The following FSIP1 variants were observed in gnomAD, a reference collection of about 807,000 sequenced individuals.
The protein encoded by FSIP1 is fibrous sheath-interacting protein 1.
A neutral mutation model predicts 60.9 loss-of-function variants in FSIP1; 65 were observed. That is an observed-to-expected ratio of 1.07 (90% CI 0.87 to 1.31). FSIP1 has a LOEUF of 1.31. Ranked by LOEUF, FSIP1 falls within the 40% of genes most tolerant of loss-of-function variation. The probability of loss-of-function intolerance (pLI) is 0.00; values close to 1 mark genes in which losing one functional copy is unlikely to be tolerated. For synonymous variants in FSIP1, 209 were observed against 221.2 expected (o/e 0.94, Z 0.49); for missense variants, 675 against 665.5 (o/e 1.01, Z -0.16).
chr15:39,781,706 C>A (rs142308425), intron 1 of FSIP1, among the ~76,000 whole-genome samples: 1 of 152,302 alleles, frequency 6.6e-6, no homozygotes, highest in African/African-American at 2.4e-5. Flanking sequence ...CTGAAAGAAG[C>A]CTGATTCAAA....
chr15:39,693,800 A>C (rs1894702221), intron 10 of FSIP1, among the ~76,000 whole-genome samples: 1 of 152,200 alleles, frequency 6.6e-6, no homozygotes, highest in African/African-American at 2.4e-5. Context: ...GGTTATGGAC[A>C]AGTCACCAAA....
chr15:39,737,222 G>A (rs1175045513), intron 8 of FSIP1, among the ~76,000 whole-genome samples: 1 of 152,072 alleles, frequency 6.6e-6, no homozygotes, highest in African/African-American at 2.4e-5. Flanking sequence ...CACTCTTTAG[G>A]TGACCTTCCC....
intron 1 of FSIP1, among the ~76,000 whole-genome samples, chr15:39,781,596 A>AATAT (rs1441618820): frequency 6.6e-6 from 1 of 152,224 alleles, no homozygotes. Context: ...GAAATGGATA[A>AATAT]ATATACTACC....
At chr15:39,732,619 CAAAA>C (rs56106819) in intron 8 of FSIP1, among the ~76,000 whole-genome samples, 20,340 of 79,688 alleles carry the variant, frequency 0.26, 1,499 homozygotes, top group East Asian at 0.47. Context: ...AACTCCATCT[CAAAA>C]AAAAAAAAAA....
At chr15:39,776,216 G>GGGAGGGAGGGAGGGAGGGAGGGGA (rs758628766) in intron 2 of FSIP1, among the ~76,000 whole-genome samples, 183 bp downstream of exon 2, 1 of 105,254 alleles carries the variant, frequency 9.5e-6, no homozygotes, top group Non-Finnish European at 2.0e-5. Context: ...GAGGGAGGGA[G>GGGAGGGAGGGAGGGAGGGAGGGGA]GGAAGGAATG....
At chr15:39,756,740 G>T (rs1376397397) in intron 5 of FSIP1, among the ~76,000 whole-genome samples, 1 of 152,090 alleles carries the variant, frequency 6.6e-6, no homozygotes, top group Admixed American at 6.5e-5. Context: ...TGAAAAGAAA[G>T]AAAGTAGGTT....
intron 10 of FSIP1, among the ~76,000 whole-genome samples, chr15:39,628,967 A>G (rs1238831507): frequency 6.6e-6 from 1 of 152,212 alleles, no homozygotes; most frequent in African/African-American, 2.4e-5. Flanking sequence ...CAGGAGCTCA[A>G]TCAATGCTGG....
At chr15:39,602,429 T>C in intron 11 of FSIP1, 1 of 453,518 alleles carries the variant, frequency 2.2e-6, no homozygotes, top group Admixed American at 2.4e-5. Flanking sequence ...TAAATTTCTG[T>C]CATGGTAAGT....
chr15:39,691,081 CTGT>C (rs1894580728), intron 10 of FSIP1, among the ~76,000 whole-genome samples: 1 of 152,186 alleles, frequency 6.6e-6, no homozygotes, highest in Non-Finnish European at 1.5e-5. Flanking sequence ...GCAATCAGCA[CTGT>C]GAGACTTTGT....
intron 10 of FSIP1, among the ~76,000 whole-genome samples, chr15:39,697,339 G>A (rs900427144): frequency 1.3e-5 from 2 of 152,176 alleles, no homozygotes; most frequent in African/African-American, 4.8e-5. Context: ...AGTGGGAAGC[G>A]CCTCAGTGGA....
chr15:39,604,309 G>A lies in FSIP1; in HGVS notation c.1700-3383C>T, dbSNP rs1235765644. Among the ~76,000 whole-genome samples, 15 of 152,158 alleles carry A rather than the reference G, an allele frequency of 9.9e-5. 1 individual carries two copies. The highest frequency in any genetic ancestry group is 1.9e-4 in the East Asian group (1 of 5,196). On this transcript the variant is annotated intron_variant, in intron 11 of 11. Coordinates refer to ENST00000350221, the MANE Select transcript of FSIP1 (RefSeq NM_152597.5). The stretch of plus-strand genomic sequence containing the variant: ...AGACCTAGTTTACAGTCACAATAGC[G>A]GATCTTCAGTAACTTTTTACTTTAC...
chr15:39,711,243 G>C (rs1224769375), intron 10 of FSIP1, among the ~76,000 whole-genome samples: 3 of 152,120 alleles, frequency 2.0e-5, no homozygotes, highest in Non-Finnish European at 4.4e-5. Flanking sequence ...CCTAGTAAGG[G>C]CCCATTTCCT....
At position 39,660,926 on chromosome 15, in the gene FSIP1, G is replaced by A. The variant is rs867142570; in HGVS notation, c.1189-42681C>T. 2.6e-5 allele frequency among the ~76,000 whole-genome samples: 4 copies of A among 152,260 alleles called. No homozygotes were observed. The East Asian group carries it at 7.7e-4, about 29-fold the overall frequency. ...AAAACTATAAAAATTAGTTGGAAAT[G>A]GTGGCGCACGCCTGTAATCCAAGCT... On this transcript the variant is annotated intron_variant, in intron 10 of 11. Transcript: ENST00000350221.
intron 10 of FSIP1, among the ~76,000 whole-genome samples, chr15:39,631,799 C>T (rs1891901592): frequency 6.6e-6 from 1 of 152,116 alleles, no homozygotes; most frequent in Non-Finnish European, 1.5e-5. Context: ...TAATAGAAAG[C>T]CTCACAAACA....
chr15:39,774,019 AC>A (rs1238631951), intron 2 of FSIP1, among the ~76,000 whole-genome samples: 1 of 152,184 alleles, frequency 6.6e-6, no homozygotes, highest in African/African-American at 2.4e-5. Flanking sequence ...ATTGTATGTG[AC>A]TTTTTTTAAC....
Position 39,770,622 on chromosome 15 carries a change from T to C in FSIP1, c.127-12A>G. On this transcript the variant is annotated splice_polypyrimidine_tract_variant and intron_variant, in intron 2 of 11. Coordinates refer to ENST00000350221, the MANE Select transcript of FSIP1 (RefSeq NM_152597.5). The stretch of plus-strand genomic sequence containing the variant: ...CTTGCAGTATCGACCTAAAAATAAT[T>C]TCAAAAAAAAAACAGTTTCCGAAAA... 1 of 1,463,958 alleles carries C rather than the reference T, an allele frequency of 6.8e-7. No homozygotes were observed. The highest frequency in any genetic ancestry group is 9.1e-7 in the Non-Finnish European group (1 of 1,103,138). The allele number at this position is 1,463,958 out of a possible 1,614,324, so 90.7% of individuals were successfully genotyped here.
At chr15:39,642,406 A>AC (rs1892408422) in intron 10 of FSIP1, among the ~76,000 whole-genome samples, 3 of 152,190 alleles carry the variant, frequency 2.0e-5, no homozygotes, top group Admixed American at 2.0e-4. Flanking sequence ...GGGCTGACAT[A>AC]CATGAGTGGC....
At chr15:39,640,099 T>C (rs1477737005) in intron 10 of FSIP1, among the ~76,000 whole-genome samples, 1 of 152,166 alleles carries the variant, frequency 6.6e-6, no homozygotes, top group Non-Finnish European at 1.5e-5. Context: ...GTTAACCCCA[T>C]GTATGTACAT....
chr15:39,752,642 G>T (rs772313832), intron 5 of FSIP1, among the ~76,000 whole-genome samples: 6 of 151,874 alleles, frequency 4.0e-5, no homozygotes, highest in Admixed American at 2.0e-4. Context: ...AACTGTCAAG[G>T]TCATTAAAAA....
Sources: allele counts gnomAD v4.1 joint callset (sites outside exome capture counted in the v4.1 genomes callset), GRCh38; gene constraint gnomAD v4.1.1; transcripts MANE v1.5; gene names NCBI Gene and HGNC (gene_info 2026-07-23, HGNC 2026-07-21).